ERC1: variants seen among roughly 807,000 people sequenced by gnomAD.
ERC1 encodes the protein ELKS/RAB6-interacting/CAST family member 1.
In ERC1, 56 loss-of-function variants were observed where a neutral mutation model predicts 132.0. The observed-to-expected ratio is 0.42, with a 90% confidence interval of 0.34 to 0.53. ERC1 has a LOEUF of 0.53. Among genes scored for constraint, ERC1 ranks in the 20% least tolerant of loss-of-function variants. The pLI is 0.03. For synonymous variants in ERC1, 478 were observed against 476.1 expected (o/e 1.00, Z -0.05); for missense variants, 1,202 against 1,349.9 (o/e 0.89, Z 1.72).
chr12:1,142,089 T>C (rs180895460), intron 8 of ERC1, among the ~76,000 whole-genome samples: 1 of 152,214 alleles, frequency 6.6e-6, no homozygotes, highest in Non-Finnish European at 1.5e-5. Context: ...CTGTCTTTTA[T>C]TGAAACTGTA....
intron 18 of ERC1, among the ~76,000 whole-genome samples, chr12:1,470,081 G>C (rs567153043): frequency 6.6e-6 from 1 of 151,512 alleles, no homozygotes; most frequent in South Asian, 2.1e-4. Flanking sequence ...TCACAAGGGA[G>C]TCAGGAGATA....
chr12:1,062,705 A>G lies in ERC1; in HGVS notation c.670-20459A>G, dbSNP rs143593978. Among the ~76,000 whole-genome samples the G allele has an allele frequency of 6.5e-4, 99 of 152,318 alleles. 2 individuals are homozygous for G. In the East Asian group the frequency reaches 0.016, roughly 24 times the overall value. On this transcript the variant is annotated intron_variant, in intron 2 of 18. Coordinates refer to ENST00000360905, the MANE Select transcript of ERC1 (RefSeq NM_178040.4). ...CTGTAGCTGTTGCATGGAATGTTCT[A>G]TGAATGCCTGTTAGTTCCATTTGGT...
intron 16 of ERC1, chr12:1,380,885 AAAATT>A (rs2088571696): frequency 1.3e-5 from 2 of 152,276 alleles, no homozygotes; most frequent in Non-Finnish European, 1.5e-5. Context: ...GAATAAAGGG[AAAATT>A]AAATAGCAAG....
At chr12:1,346,811 G>A (rs1353872061) in intron 15 of ERC1, among the ~76,000 whole-genome samples, 10 of 151,428 alleles carry the variant, frequency 6.6e-5, no homozygotes, top group Admixed American at 6.6e-5. Context: ...GCGCGGTGGC[G>A]GGCGCCTGTA....
At chr12:1,445,310 A>C (rs936483979) in intron 18 of ERC1, among the ~76,000 whole-genome samples, 9 of 147,982 alleles carry the variant, frequency 6.1e-5, no homozygotes, top group Non-Finnish European at 1.2e-4. Flanking sequence ...GCTCACTGCA[A>C]CTTCCACCTC....
intron 15 of ERC1, among the ~76,000 whole-genome samples, chr12:1,315,661 A>C (rs778820260): frequency 3.9e-5 from 6 of 152,018 alleles, no homozygotes; most frequent in Non-Finnish European, 5.9e-5. Context: ...CTCTTCCCAA[A>C]TTTATTCTCA....
chr12:1,260,036 A>G (rs1425257603), intron 13 of ERC1, among the ~76,000 whole-genome samples: 2 of 151,968 alleles, frequency 1.3e-5, no homozygotes, highest in South Asian at 2.1e-4. Context: ...CCACTCACCT[A>G]TGGTAGAGCT....
intron 15 of ERC1, 81 bp downstream of exon 15, chr12:1,290,093 G>A: frequency 8.1e-7 from 1 of 1,241,692 alleles, no homozygotes; most frequent in Non-Finnish European, 1.2e-6. Context: ...CTGGCTCTGT[G>A]TTTTACCCCA....
chr12:1,344,447 T>G (rs1210535761), intron 15 of ERC1, among the ~76,000 whole-genome samples: 1 of 152,350 alleles, frequency 6.6e-6, no homozygotes, highest in South Asian at 2.1e-4. Flanking sequence ...AAGGAGAGAC[T>G]GGAACCACAT....
chr12:1,144,024 T>C (rs1950105762), intron 8 of ERC1, among the ~76,000 whole-genome samples: 1 of 152,150 alleles, frequency 6.6e-6, no homozygotes, highest in South Asian at 2.1e-4. Flanking sequence ...TTCTAAATAA[T>C]AATTATCTTC....
chr12:1,411,280 A>G (rs73026488), intron 17 of ERC1, among the ~76,000 whole-genome samples: 1 of 152,158 alleles, frequency 6.6e-6, no homozygotes, highest in South Asian at 2.1e-4. Flanking sequence ...TATGATTAAT[A>G]AGTTCACACA....
intron 18 of ERC1, among the ~76,000 whole-genome samples, chr12:1,481,408 A>G (rs968411958): frequency 6.6e-6 from 1 of 152,252 alleles, no homozygotes; most frequent in Admixed American, 6.5e-5. Context: ...CAGAATGACT[A>G]AAGCTTTACA....
At chr12:996,677 G>A (rs1960989081) in intron 1 of ERC1, among the ~76,000 whole-genome samples, 1 of 152,110 alleles carries the variant, frequency 6.6e-6, no homozygotes, top group Non-Finnish European at 1.5e-5. Context: ...TATTGTTGTT[G>A]TTAATTTTAT....
rs562343814 is a variant in ERC1, at chr12:1,491,063, C to T, written c.*833C>T. 9.0e-5 allele frequency: 21 copies of T among 232,784 alleles called. No individual in the cohort carries two copies. The East Asian group carries it at 1.1e-3, about 13-fold the overall frequency. 14.4% of individuals were successfully genotyped at this position (232,784 alleles called of 1,614,324 possible). A position where few individuals can be genotyped will look rare whatever the true frequency, so the allele number is the denominator to read the frequency against. On this transcript the variant is annotated 3_prime_UTR_variant, in exon 19 of 19. Transcript: ENST00000360905. ...AAGAGCACCAGCCAGGGCAACATAGCGTGACCCTGTCTCTACAAAAAATTA... is the reference window on the plus strand; with the variant it reads ...AAGAGCACCAGCCAGGGCAACATAGTGTGACCCTGTCTCTACAAAAAATTA...
chr12:1,451,215 T>A (rs940915263), intron 18 of ERC1, among the ~76,000 whole-genome samples: 3 of 152,218 alleles, frequency 2.0e-5, no homozygotes, highest in Non-Finnish European at 4.4e-5. Flanking sequence ...GAGATTAAGA[T>A]TATAAAATAA....
At position 1,490,565 on chromosome 12, in the gene ERC1, C is replaced by G; in HGVS notation, c.*335C>G. ...AGAGCCATGGAGCAGAGGAGCCTCT[C>G]ACCTCCTGTCCTCTGACATGAGAAT... On this transcript the variant is annotated 3_prime_UTR_variant, in exon 19 of 19. Transcript: ENST00000360905. 2 of 304,928 alleles carry G rather than the reference C, an allele frequency of 6.6e-6. No homozygotes were observed. Among genetic ancestry groups the G allele is most frequent in the Non-Finnish European group, 6.2e-6 (1 of 161,084 alleles). 18.9% of individuals were successfully genotyped at this position (304,928 alleles called of 1,614,324 possible).
intron 16 of ERC1, among the ~76,000 whole-genome samples, chr12:1,403,446 A>C (rs893086699): frequency 4.6e-5 from 7 of 152,342 alleles, no homozygotes; most frequent in African/African-American, 1.7e-4. Context: ...TGATCTGTGT[A>C]ACATCTAATG....
At chr12:1,048,458 C>G (rs957805195) in intron 2 of ERC1, among the ~76,000 whole-genome samples, 7 of 152,028 alleles carry the variant, frequency 4.6e-5, no homozygotes, top group Admixed American at 4.6e-4. Flanking sequence ...CCCATTTTGG[C>G]TCTGGTTGTG....
chr12:1,306,522 G>GT (rs1299336226), intron 15 of ERC1, among the ~76,000 whole-genome samples: 2 of 152,122 alleles, frequency 1.3e-5, no homozygotes, highest in African/African-American at 4.8e-5. Flanking sequence ...TTTTGTTGTA[G>GT]TTTTATTTTA....
Sources: allele counts gnomAD v4.1 joint callset (sites outside exome capture counted in the v4.1 genomes callset), GRCh38; gene constraint gnomAD v4.1.1; transcripts MANE v1.5; gene names NCBI Gene and HGNC (gene_info 2026-07-23, HGNC 2026-07-21).